NEK1: variants seen among roughly 807,000 people sequenced by gnomAD.
NEK1 encodes the protein NIMA related kinase 1.
NEK1 carries 137 observed loss-of-function variants against 182.1 expected under a neutral mutation model. The ratio of observed to expected loss-of-function variants is 0.75; its 90% CI spans 0.65 to 0.87. The LOEUF is 0.87. Ranked by LOEUF, NEK1 falls within the 40% of genes least tolerant of loss-of-function variation. NEK1 has a pLI of 0.00. For missense variants in NEK1, 1,391 were observed against 1,494.4 expected (o/e 0.93, Z 1.14); for synonymous variants, 513 against 492.2 (o/e 1.04, Z -0.56).
At chr4:169,495,305 G>A (rs1273849155) in intron 23 of NEK1, among the ~76,000 whole-genome samples, 10 of 146,656 alleles carry the variant, frequency 6.8e-5, no homozygotes, top group East Asian at 6.0e-4. Context: ...GTGCAGTGGC[G>A]CGATCTCGAC....
intron 27 of NEK1, among the ~76,000 whole-genome samples, chr4:169,444,955 A>C (rs1740217699): frequency 6.6e-6 from 1 of 152,222 alleles, no homozygotes; most frequent in Non-Finnish European, 1.5e-5. Flanking sequence ...GGAACTTTGG[A>C]AACTGTACAT....
chr4:169,589,749 T>C (rs189205644), intron 6 of NEK1, among the ~76,000 whole-genome samples: 4 of 152,162 alleles, frequency 2.6e-5, no homozygotes, highest in Admixed American at 2.0e-4. Context: ...GAGAAAAACA[T>C]AGGAATAAAT....
chr4:169,452,398 G>A (rs973428929), intron 27 of NEK1, among the ~76,000 whole-genome samples: 14 of 152,138 alleles, frequency 9.2e-5, no homozygotes, highest in East Asian at 7.7e-4. Flanking sequence ...GATGAACGTC[G>A]ATGCGAAAAT....
At chr4:169,447,763 G>T (rs1740846825) in intron 27 of NEK1, among the ~76,000 whole-genome samples, 1 of 152,092 alleles carries the variant, frequency 6.6e-6, no homozygotes, top group Admixed American at 6.5e-5. Flanking sequence ...AGACTAGTCG[G>T]GAGGCTGAGG....
At chr4:169,610,658 TA>T (rs1428677630) in intron 2 of NEK1, among the ~76,000 whole-genome samples, 1 of 152,172 alleles carries the variant, frequency 6.6e-6, no homozygotes, top group Non-Finnish European at 1.5e-5. Context: ...TTGGACATAA[TA>T]AAATTTTGTG....
intron 5 of NEK1, among the ~76,000 whole-genome samples, chr4:169,593,408 G>A (rs1359619020): frequency 6.6e-6 from 1 of 152,176 alleles, no homozygotes; most frequent in African/African-American, 2.4e-5. Flanking sequence ...GACTACTGGG[G>A]GAGATGGGTA....
intron 23 of NEK1, among the ~76,000 whole-genome samples, chr4:169,482,587 C>T (rs111729077): frequency 1.2e-3 from 178 of 151,788 alleles, no homozygotes; most frequent in African/African-American, 4.0e-3. Flanking sequence ...GCTGAGACTA[C>T]AGGCACCTGG....
intron 19 of NEK1, among the ~76,000 whole-genome samples, chr4:169,533,014 C>T (rs1757921824): frequency 6.6e-6 from 1 of 152,080 alleles, no homozygotes; most frequent in Non-Finnish European, 1.5e-5. Flanking sequence ...AATCTACTGT[C>T]TCCAGATGTA....
At position 169,561,703 on chromosome 4, in the gene NEK1, C is replaced by T. The variant is rs758398280; in HGVS notation, c.1175G>A (p.Arg392Lys). Residue 392 changes from arginine to lysine, a missense_variant, in exon 15 of 36, where the codon AGG (arginine) becomes AAG (lysine). By Grantham distance (26) the Arg-to-Lys change is conservative (BLOSUM62 2). Coordinates refer to ENST00000507142, the MANE Select transcript of NEK1 (RefSeq NM_001199397.3). The part of the protein sequence containing the change: ...ISLMKAEQMK[R>K]QEKERLERIN... ...TCCTCTTACCCTTTCCTTTTCTTGC[C>T]TTTTCATTTGTTCAGCCTTCATTAA... 6.4e-7 allele frequency: 1 copy of T among 1,569,058 alleles called. No homozygotes were observed. Among genetic ancestry groups the T allele is most frequent in the East Asian group, 2.4e-5 (1 of 42,376 alleles).
At chr4:169,560,785 CT>C (rs559468393) in intron 16 of NEK1, among the ~76,000 whole-genome samples, 3,483 of 142,584 alleles carry the variant, frequency 0.024, 39 homozygotes, top group Non-Finnish European at 0.034. Flanking sequence ...GGAAAAAAAA[CT>C]TTTTTTTTTT....
At chr4:169,515,490 G>A (rs1755032948) in intron 19 of NEK1, among the ~76,000 whole-genome samples, 1 of 143,070 alleles carries the variant, frequency 7.0e-6, no homozygotes, top group Non-Finnish European at 1.5e-5. Context: ...ATTTAGGATT[G>A]CAATAACTTC....
At chr4:169,471,587 C>G (rs1266060538) in intron 26 of NEK1, among the ~76,000 whole-genome samples, 2 of 152,158 alleles carry the variant, frequency 1.3e-5, no homozygotes, top group Admixed American at 1.3e-4. Context: ...GTCTCCCAGT[C>G]AGGAGGCACG....
intron 18 of NEK1, among the ~76,000 whole-genome samples, chr4:169,540,010 C>G (rs1161020083): frequency 1.3e-5 from 2 of 152,224 alleles, no homozygotes; most frequent in Non-Finnish European, 2.9e-5. Context: ...TAGATTTTCA[C>G]ACCATTTATG....
chr4:169,500,519 T>C lies in NEK1; in HGVS notation c.2007+6518A>G, dbSNP rs371431219. On this transcript the variant is annotated intron_variant, in intron 23 of 35. Transcript: ENST00000507142. ...AGCTGGGAGCTGTACACTGGAGCTG[T>C]TCCTATTCGGCCATCTTGGCTCCTC... 4.6e-5 allele frequency among the ~76,000 whole-genome samples: 7 copies of C among 152,194 alleles called. No individual in the cohort carries two copies. The East Asian group carries it at 9.6e-4, about 21-fold the overall frequency.
intron 11 of NEK1, among the ~76,000 whole-genome samples, chr4:169,578,588 T>A (rs990324594): frequency 2.6e-5 from 4 of 152,128 alleles, no homozygotes; most frequent in Non-Finnish European, 5.9e-5. Flanking sequence ...GAAACAAAAC[T>A]TCTAATAACG....
intron 27 of NEK1, among the ~76,000 whole-genome samples, chr4:169,442,845 G>A (rs889594848): frequency 2.0e-5 from 3 of 152,120 alleles, no homozygotes; most frequent in Admixed American, 1.3e-4. Flanking sequence ...ACCAGCCTGG[G>A]CAACACAGTG....
In NEK1 at chr4:169,542,345, T is replaced by A. The variant is rs572485140; in HGVS notation, c.1563-4434A>T. On this transcript the variant is annotated intron_variant, in intron 18 of 35. Coordinates refer to ENST00000507142, the MANE Select transcript of NEK1 (RefSeq NM_001199397.3). ...AAGGACATGAACTCATTCTTTTTTA[T>A]GGCTGCATAGTATTCCATGGTGTAT... is the stretch of plus-strand genomic sequence containing the variant. 4.0e-3 allele frequency among the ~76,000 whole-genome samples: 616 copies of A among 152,358 alleles called. 4 individuals are homozygous for A. Among genetic ancestry groups the A allele is most frequent in the Admixed American group, 7.5e-3 (115 of 15,298 alleles).
At chr4:169,546,504 AGTCCAGAGCTGAGTT>A in intron 18 of NEK1, among the ~76,000 whole-genome samples, 1 of 152,140 alleles carries the variant, frequency 6.6e-6, no homozygotes, top group Non-Finnish European at 1.5e-5. Flanking sequence ...AGGTCCGCTC[AGTCCAGAGCTGAGTT>A]CAAGTCCTGG....
intron 12 of NEK1, 80 bp from the exon 13 acceptor site, chr4:169,562,276 G>A (rs2149949108): frequency 1.0e-6 from 1 of 978,892 alleles, no homozygotes; most frequent in Non-Finnish European, 1.5e-6. Flanking sequence ...AGAAATTTAA[G>A]ATAAGAAAAA....
Sources: gnomAD v4.1 joint callset for allele counts (sites outside exome capture counted in the v4.1 genomes callset) on GRCh38, gnomAD v4.1.1 for gene constraint, MANE v1.5 for transcripts, NCBI Gene and HGNC (gene_info 2026-07-23, HGNC 2026-07-21) for gene names.